URGCP: variants seen among roughly 807,000 people sequenced by gnomAD.
The protein encoded by URGCP is upregulator of cell proliferation, also known as up-regulator of cell proliferation.
In URGCP, 13 loss-of-function variants were observed where a neutral mutation model predicts 24.6. The observed-to-expected ratio is 0.53, with a 90% CI of 0.34 to 0.84. URGCP has a LOEUF of 0.84. Ranked by LOEUF, URGCP falls within the 40% of genes least tolerant of loss-of-function variation. The pLI is 0.01. For missense variants in URGCP, 899 were observed against 1,194.3 expected (o/e 0.75, Z 3.64); for synonymous variants, 444 against 487.2 (o/e 0.91, Z 1.17).
intron 5 of URGCP, chr7:43,881,125 A>G: frequency 1.4e-6 from 1 of 696,114 alleles, no homozygotes; most frequent in Non-Finnish European, 2.6e-6. Flanking sequence ...GAAACTAGGA[A>G]CATTGTTTTT....
At position 43,892,606 on chromosome 7, in the gene URGCP, C is replaced by T. The variant is rs543335974; in HGVS notation, c.15-4790G>A. Among the ~76,000 whole-genome samples, 99 of 152,254 alleles carry T rather than the reference C, an allele frequency of 6.5e-4. 1 individual carries two copies. In the South Asian group the frequency reaches 0.02, roughly 31 times the overall value. ...CAGTCTTATTATATGTGAACCCACCCTAATCCACTGTGAACTCATTTTAAC... is the reference window on the plus strand; with the variant it reads ...CAGTCTTATTATATGTGAACCCACCTTAATCCACTGTGAACTCATTTTAAC... On this transcript the variant is annotated intron_variant, in intron 1 of 5. Transcript: ENST00000453200.
At chr7:43,919,443 A>G in intron 1 of URGCP, 1 of 935,072 alleles carries the variant, frequency 1.1e-6, no homozygotes, top group Non-Finnish European at 1.8e-6. Flanking sequence ...CCCCAGCTAC[A>G]TGGACAATGA....
chr7:43,894,371 G>A (rs1015017214), intron 1 of URGCP, among the ~76,000 whole-genome samples: 1 of 152,092 alleles, frequency 6.6e-6, no homozygotes. Context: ...AATTTTTTGA[G>A]ACACTCTCGT....
chr7:43,905,927 A>G (rs914970357), intron 1 of URGCP: 1 of 152,204 alleles, frequency 6.6e-6, no homozygotes, highest in Non-Finnish European at 1.5e-5. Context: ...ATAACATTTA[A>G]ATCAAAAAAG....
intron 5 of URGCP, 117 bp from the exon 6 acceptor site, chr7:43,879,377 G>C: frequency 8.1e-7 from 1 of 1,236,524 alleles, no homozygotes; most frequent in Non-Finnish European, 1.1e-6. Context: ...CCTTCAGAGA[G>C]CAGAGTGCAG....
At chr7:43,893,628 T>G (rs1267514780) in intron 1 of URGCP, among the ~76,000 whole-genome samples, 4 of 152,216 alleles carry the variant, frequency 2.6e-5, no homozygotes, top group Non-Finnish European at 5.9e-5. Context: ...CCCAGCACTT[T>G]GGGAGGCCAA....
chr7:43,892,583 G>C (rs1411949227), intron 1 of URGCP, among the ~76,000 whole-genome samples: 1 of 152,024 alleles, frequency 6.6e-6, no homozygotes, highest in Non-Finnish European at 1.5e-5. Context: ...AAGAATATCA[G>C]TCTTATTATA....
rs191695837 is a variant in URGCP, at chr7:43,913,730, G to A, written c.-116+12402C>T. On this transcript the variant is annotated intron_variant, in intron 1 of 5. Transcript: ENST00000426198. Reference sequence around the variant, plus strand: ...TTATTTATTTTTGAGATGGAATCTCGCTCTGTTGCCCAGGCTGGAGTGCAG... The same window carrying A: ...TTATTTATTTTTGAGATGGAATCTCACTCTGTTGCCCAGGCTGGAGTGCAG... Among the ~76,000 whole-genome samples the A allele has an allele frequency of 1.3e-3, 200 of 151,786 alleles. 1 individual carries two copies. The highest frequency in any genetic ancestry group is 4.7e-3 in the African/African-American group (193 of 41,374).
Position 43,877,902 on chromosome 7 carries a change from G to T in URGCP, c.1561C>A (p.Pro521Thr). Residue 521 changes from proline to threonine, a missense_variant, in exon 6 of 6, where the codon CCT becomes ACT. By Grantham distance (38) the Pro-to-Thr change is conservative. Coordinates refer to ENST00000453200, the MANE Select transcript of URGCP (RefSeq NM_001077663.3). The part of the protein sequence containing the change: ...FCQLQWAVDP[P>T]EKHRAELRRR... ...CTCAGCTCAGCCCTGTGCTTCTCAG[G>T]GGGGTCCACGGCCCACTGGAGCTGG... The T allele has an allele frequency of 1.2e-6, 2 of 1,613,960 alleles. No homozygotes were observed.
intron 3 of URGCP, among the ~76,000 whole-genome samples, chr7:43,886,017 T>C (rs2095861554): frequency 1.3e-5 from 2 of 152,258 alleles, no homozygotes; most frequent in Non-Finnish European, 1.5e-5. Context: ...ATAATCCCCA[T>C]GGTGCCTACC....
intron 2 of URGCP, 28 bp downstream of exon 2, chr7:43,887,762 A>C: frequency 3.2e-6 from 5 of 1,548,860 alleles, no homozygotes; most frequent in Non-Finnish European, 2.6e-6. Context: ...AAATACAGTC[A>C]TTCAGAAAGA....
At chr7:43,892,209 C>A (rs947231839) in intron 1 of URGCP, among the ~76,000 whole-genome samples, 135 of 150,046 alleles carry the variant, frequency 9.0e-4, no homozygotes, top group South Asian at 1.3e-3. Flanking sequence ...TGAGCCACTG[C>A]GCCCAGCCAA....
chr7:43,887,539 C>T (rs2095863986), intron 2 of URGCP, 54 bp from the exon 3 acceptor site: 3 of 1,593,706 alleles, frequency 1.9e-6, no homozygotes, highest in Admixed American at 3.5e-5. Flanking sequence ...ACCACTTTCA[C>T]CTATCAAACT....
rs771821369 is a variant in URGCP, at chr7:43,877,398, G to A, written c.2065C>T (p.Arg689Trp). Residue 689 changes from arginine (R) to tryptophan (W), a missense_variant, in exon 6 of 6, where the codon CGG becomes TGG. Physicochemically the swap from Arg to Trp is moderately radical, Grantham distance 101. Transcript: ENST00000453200. ...GTTGACAGAACCACCAGCCTTGACC[G>A]TCTCTCCAGTCGGACGTGCAGCTCC... ...LKELHVRLER[R>W]SRLVVLSTVG... is the part of the protein sequence containing the mutation. 2.5e-6 allele frequency: 4 copies of A among 1,613,098 alleles called. No homozygotes were observed. The highest frequency in any genetic ancestry group is 2.2e-5 in the South Asian group (2 of 91,088).
At position 43,878,704 on chromosome 7, in the gene URGCP, G is replaced by C; in HGVS notation, c.759C>G (p.Asp253Glu). 2 of 1,614,088 alleles carry C rather than the reference G, an allele frequency of 1.2e-6. No individual in the cohort carries two copies. Among genetic ancestry groups the C allele is most frequent in the South Asian group, 2.2e-5 (2 of 91,086 alleles). The change falls in exon 6 of 6, where the codon GAC becomes GAG. Residue 253 changes from aspartate to glutamate, a missense_variant. Transcript: ENST00000453200. The surrounding 1 kb of genome is among the most constrained non-coding windows in gnomAD (Gnocchi z 5.6). Reference protein sequence around the residue: ...PPRGMGSFREDSVVLSRAPAF... With the variant: ...PPRGMGSFREESVVLSRAPAF... Reference sequence around the variant, plus strand: ...CGGGCGCCCTGGACAAGACCACGCTGTCTTCCCGGAAGCTCCCCATGCCCC... The same window carrying C: ...CGGGCGCCCTGGACAAGACCACGCTCTCTTCCCGGAAGCTCCCCATGCCCC...
chr7:43,895,456 G>A (rs1429223304), intron 1 of URGCP, among the ~76,000 whole-genome samples: 1 of 152,224 alleles, frequency 6.6e-6, no homozygotes, highest in African/African-American at 2.4e-5. Flanking sequence ...TGGATGGATT[G>A]TTTGAGTCCA....
chr7:43,910,206 CTATT>C (rs1001395549), upstream of URGCP, among the ~76,000 whole-genome samples: 2 of 151,970 alleles, frequency 1.3e-5, no homozygotes, highest in South Asian at 2.1e-4. Context: ...GAGAACTGAT[CTATT>C]TATTTGTTTA....
upstream of URGCP, among the ~76,000 whole-genome samples, chr7:43,908,266 C>T (rs1434496419): frequency 1.3e-5 from 2 of 152,118 alleles, no homozygotes; most frequent in African/African-American, 2.4e-5. Flanking sequence ...TTAGTAGAGA[C>T]AGGGTTTCCC....
chr7:43,918,634 G>A, intron 1 of URGCP: 1 of 583,810 alleles, frequency 1.7e-6, no homozygotes, highest in Non-Finnish European at 3.1e-6. Flanking sequence ...GTGGATATCT[G>A]GGGGGCTGGC....
Sources: gnomAD v4.1 joint callset for allele counts (sites outside exome capture counted in the v4.1 genomes callset) on GRCh38, gnomAD v4.1.1 for gene constraint, Gnocchi (gnomAD v3.1) non-coding constraint, MANE v1.5 for transcripts, NCBI Gene and HGNC (gene_info 2026-07-23, HGNC 2026-07-21) for gene names.